The following SCHIP1 variants were observed in gnomAD, a reference collection of about 807,000 sequenced individuals.
SCHIP1 encodes schwannomin interacting protein 1.
A neutral mutation model predicts 29.7 loss-of-function variants in SCHIP1; 8 were observed. The ratio of observed to expected loss-of-function variants is 0.27; its 90% confidence interval spans 0.16 to 0.49. SCHIP1 has a LOEUF of 0.49. SCHIP1 is among the 20% of genes least tolerant of loss of function. The probability of loss-of-function intolerance (pLI) is 0.99; values close to 1 mark genes in which losing one functional copy is unlikely to be tolerated. For synonymous variants in SCHIP1, 76 were observed against 94.9 expected, an observed-to-expected ratio of 0.80 and a Z score of 1.16; for missense variants, 193 against 294.6, an observed-to-expected ratio of 0.66 and a Z score of 2.52.
the SCHIP1 span, chr3:159,721,955 T>G: frequency 2.5e-6 from 1 of 395,238 alleles, no homozygotes; most frequent in Non-Finnish European, 5.0e-6. Context: ...GGCAGTCCTC[T>G]GTGTTCTTCA....
the SCHIP1 span, among the ~76,000 whole-genome samples, chr3:159,656,383 C>T: frequency 6.6e-6 from 1 of 152,090 alleles, no homozygotes; most frequent in Non-Finnish European, 1.5e-5. Flanking sequence ...ACTCCTAAGC[C>T]CATGTTCTTC....
chr3:159,711,162 C>T, the SCHIP1 span, among the ~76,000 whole-genome samples: 6 of 151,660 alleles, frequency 4.0e-5, no homozygotes, highest in South Asian at 2.1e-4. Context: ...GGGGACATTT[C>T]GGAGTATGTT....
the SCHIP1 span, among the ~76,000 whole-genome samples, chr3:159,680,670 T>TATATTATATGTATATATATAA: frequency 1.2e-4 from 1 of 8,198 alleles, no homozygotes; most frequent in Non-Finnish European, 2.5e-4. Context: ...AAAATATATA[T>TATATTATATGTATATATATAA]TATATATATA....
At chr3:159,666,978 G>A in the SCHIP1 span, among the ~76,000 whole-genome samples, 1 of 152,196 alleles carries the variant, frequency 6.6e-6, no homozygotes, top group Non-Finnish European at 1.5e-5. Context: ...TTTCTGGCCT[G>A]TAAATGGAGG....
chr3:159,355,175 C>T, the SCHIP1 span, among the ~76,000 whole-genome samples: 1 of 152,034 alleles, frequency 6.6e-6, no homozygotes, highest in Admixed American at 6.6e-5. Flanking sequence ...CAGCTAGATG[C>T]TTTTTTACAT....
the SCHIP1 span, among the ~76,000 whole-genome samples, chr3:159,678,828 T>C: frequency 2.0e-5 from 3 of 152,144 alleles, no homozygotes; most frequent in South Asian, 6.2e-4. Context: ...GAAGACAGAA[T>C]GAGTATAAGG....
chr3:159,834,186 C>T, the SCHIP1 span, among the ~76,000 whole-genome samples: 1 of 152,188 alleles, frequency 6.6e-6, no homozygotes, highest in Admixed American at 6.5e-5. Context: ...GAACCAGGTA[C>T]TATGTCAGAC....
chr3:159,847,620 G>C (rs11928736), intron 1 of SCHIP1, among the ~76,000 whole-genome samples: 79,619 of 151,942 alleles, frequency 0.52, 21,534 homozygotes, highest in East Asian at 0.77. Context: ...ATGGTCATCA[G>C]AGTGACCACA....
the SCHIP1 span, among the ~76,000 whole-genome samples, chr3:159,609,116 A>G: frequency 6.6e-6 from 1 of 152,214 alleles, no homozygotes; most frequent in Non-Finnish European, 1.5e-5. Flanking sequence ...AAGTTCTCCA[A>G]GTTATATCAA....
chr3:159,680,068 G>A, the SCHIP1 span, among the ~76,000 whole-genome samples: 1 of 151,744 alleles, frequency 6.6e-6, no homozygotes, highest in Non-Finnish European at 1.5e-5. Context: ...CACTACGTGC[G>A]TTACTTCTTA....
the SCHIP1 span, among the ~76,000 whole-genome samples, chr3:159,399,965 G>C: frequency 6.6e-6 from 1 of 152,100 alleles, no homozygotes; most frequent in Non-Finnish European, 1.5e-5. Flanking sequence ...GGCTTCACCT[G>C]GGCATATTTT....
At chr3:159,280,174 T>C in the SCHIP1 span, among the ~76,000 whole-genome samples, 1 of 152,240 alleles carries the variant, frequency 6.6e-6, no homozygotes, top group African/African-American at 2.4e-5. Context: ...AAAATGCCCC[T>C]GATGTCACAT....
At chr3:159,480,276 A>G in the SCHIP1 span, among the ~76,000 whole-genome samples, 19 of 152,216 alleles carry the variant, frequency 1.2e-4, no homozygotes, top group African/African-American at 4.1e-4. Context: ...ATGTGGTTAT[A>G]ATAATCATCT....
chr3:159,468,715 G>GTT, the SCHIP1 span, among the ~76,000 whole-genome samples: 68 of 143,842 alleles, frequency 4.7e-4, no homozygotes, highest in African/African-American at 1.7e-3. Flanking sequence ...AATCACGAGT[G>GTT]TTTTATATAT....
At chr3:159,305,328 C>T in the SCHIP1 span, among the ~76,000 whole-genome samples, 1 of 152,346 alleles carries the variant, frequency 6.6e-6, no homozygotes, top group South Asian at 2.1e-4. Flanking sequence ...CTGTATTCTT[C>T]AGCTCTTGGC....
chr3:159,407,298 G>A, the SCHIP1 span, among the ~76,000 whole-genome samples: 1 of 152,080 alleles, frequency 6.6e-6, no homozygotes, highest in Non-Finnish European at 1.5e-5. Flanking sequence ...AAAAAATGTC[G>A]TTATATAATG....
At chr3:159,762,863 G>C in the SCHIP1 span, among the ~76,000 whole-genome samples, 1 of 152,224 alleles carries the variant, frequency 6.6e-6, no homozygotes, top group Non-Finnish European at 1.5e-5. Context: ...AGGAAGCAAA[G>C]GCAGCGGATG....
the SCHIP1 span, among the ~76,000 whole-genome samples, chr3:159,364,099 T>C: frequency 3.3e-5 from 5 of 152,236 alleles, no homozygotes; most frequent in Non-Finnish European, 2.9e-5. Context: ...TGATAACTTT[T>C]CAAAGGAAGA....
the SCHIP1 span, among the ~76,000 whole-genome samples, chr3:159,720,194 C>T: frequency 8.0e-6 from 1 of 124,532 alleles, no homozygotes; most frequent in Non-Finnish European, 1.5e-5. Flanking sequence ...CTCTTGGACA[C>T]AGGGTGGGGA....
Sources: allele counts gnomAD v4.1 joint callset (sites outside exome capture counted in the v4.1 genomes callset), GRCh38; gene constraint gnomAD v4.1.1; transcripts MANE v1.5; gene names NCBI Gene and HGNC (gene_info 2026-07-23, HGNC 2026-07-21).